The following VMP1 variants were observed in gnomAD, a reference collection of about 807,000 sequenced individuals.
VMP1 encodes the protein ectopic P-granules autophagy protein 3 homolog.
In VMP1, 11 loss-of-function variants were observed where a neutral mutation model predicts 56.0. The observed-to-expected ratio is 0.20, with a 90% CI of 0.12 to 0.32. The LOEUF (loss-of-function observed/expected upper bound fraction) is 0.32, where lower values mean the gene tolerates loss of function less well. Ranked by LOEUF, VMP1 falls within the 10% of genes least tolerant of loss-of-function variation. The pLI is 1.00. For synonymous variants in VMP1, 149 were observed against 165.0 expected (o/e 0.90, Z 0.74); for missense variants, 296 against 490.3 (o/e 0.60, Z 3.74).
chr17:59,795,244 G>T (rs1475461192), intron 7 of VMP1, among the ~76,000 whole-genome samples: 3 of 151,554 alleles, frequency 2.0e-5, no homozygotes, highest in Non-Finnish European at 4.4e-5. Flanking sequence ...CAAAGTGCTG[G>T]GATTACAGGC....
intron 8 of VMP1, among the ~76,000 whole-genome samples, chr17:59,810,455 A>G (rs1474998159): frequency 1.3e-5 from 2 of 152,226 alleles, no homozygotes; most frequent in Non-Finnish European, 2.9e-5. Context: ...CGCCCAGCCT[A>G]CATATCTTAA....
At position 59,808,766 on chromosome 17, in the gene VMP1, A is replaced by G. The variant is rs77926235; in HGVS notation, c.715-30A>G. 5.1e-3 allele frequency: 8,069 copies of G among 1,576,682 alleles called. 338 individuals are homozygous for G. The African/African-American group carries it at 0.095, about 19-fold the overall frequency. On this transcript the variant is annotated intron_variant, in intron 7 of 11. Transcript: ENST00000262291. ...ATCTTTCCTTCTTTTCCTACTTCTC[A>G]TTAATGTTTCTAAATTTGCCTTTTT...
At chr17:59,837,655 C>T (rs1191698740) in intron 10 of VMP1, 2 of 152,166 alleles carry the variant, frequency 1.3e-5, no homozygotes, top group African/African-American at 4.8e-5. Context: ...CTTCTTTGTT[C>T]CTTTGTTAAT....
intron 7 of VMP1, among the ~76,000 whole-genome samples, chr17:59,791,127 T>G (rs1428948518): frequency 6.6e-6 from 1 of 152,030 alleles, no homozygotes; most frequent in East Asian, 1.9e-4. Flanking sequence ...ATGGGCCTGT[T>G]TAGCAATGCA....
At chr17:59,815,806 A>G (rs1459760676) in intron 9 of VMP1, among the ~76,000 whole-genome samples, 4 of 148,652 alleles carry the variant, frequency 2.7e-5, no homozygotes, top group African/African-American at 9.9e-5. Context: ...CAGTGAGCCC[A>G]GATTGAGCCA....
chr17:59,730,774 T>C (rs2034793192), intron 1 of VMP1, among the ~76,000 whole-genome samples: 1 of 152,154 alleles, frequency 6.6e-6, no homozygotes, highest in South Asian at 2.1e-4. Flanking sequence ...AAAGCACTGA[T>C]ACCTGTAGTA....
intron 10 of VMP1, among the ~76,000 whole-genome samples, chr17:59,837,391 T>C (rs1404424636): frequency 1.3e-5 from 2 of 152,160 alleles, no homozygotes; most frequent in Non-Finnish European, 2.9e-5. Flanking sequence ...ATGTTTGATT[T>C]TTCTAAGTTG....
At position 59,823,986 on chromosome 17, in the gene VMP1, G is replaced by A. The variant is rs181287107; in HGVS notation, c.974+6213G>A. ...AAGAATGAAAAATGAATCCCGGGCCGGGCGCAGAGGCTCACGCCTGTAATC... is the reference window on the plus strand; with the variant it reads ...AAGAATGAAAAATGAATCCCGGGCCAGGCGCAGAGGCTCACGCCTGTAATC... On this transcript the variant is annotated intron_variant, in intron 10 of 11. Transcript: ENST00000262291. Among the ~76,000 whole-genome samples, 14 of 152,300 alleles carry A rather than the reference G, an allele frequency of 9.2e-5. No homozygotes were observed. In the East Asian group the frequency reaches 2.5e-3, roughly 27 times the overall value.
At chr17:59,794,219 C>CTTTTTT (rs574035691) in intron 7 of VMP1, among the ~76,000 whole-genome samples, 1 of 64,638 alleles carries the variant, frequency 1.5e-5, no homozygotes, top group Non-Finnish European at 2.7e-5. Flanking sequence ...CGCACCCGGC[C>CTTTTTT]TTTTTTTTTT....
intron 5 of VMP1, among the ~76,000 whole-genome samples, chr17:59,751,252 A>G (rs890736698): frequency 1.3e-5 from 2 of 152,186 alleles, no homozygotes; most frequent in African/African-American, 4.8e-5. Flanking sequence ...TTTTAGTCTT[A>G]GCAAGCATTC....
intron 5 of VMP1, among the ~76,000 whole-genome samples, chr17:59,762,818 A>G (rs997272078): frequency 2.0e-5 from 3 of 152,146 alleles, no homozygotes; most frequent in Non-Finnish European, 4.4e-5. Context: ...CCCTTTTCAG[A>G]ATAACTAAAA....
chr17:59,831,284 A>G (rs2038797336), intron 10 of VMP1, among the ~76,000 whole-genome samples: 1 of 152,040 alleles, frequency 6.6e-6, no homozygotes, highest in Non-Finnish European at 1.5e-5. Context: ...GGATCCTCCC[A>G]TCTCAGCCTC....
chr17:59,793,380 C>A lies in VMP1; in HGVS notation c.715-15416C>A, dbSNP rs1321436598. On this transcript the variant is annotated intron_variant, in intron 7 of 11. Transcript: ENST00000262291. ...CATATGAGGAGTTACTGGCTTCAGA[C>A]AGGAAAAAGAAAAAGGAAATTACTT... Among the ~76,000 whole-genome samples, 3 of 115,460 alleles carry A rather than the reference C, an allele frequency of 2.6e-5. 1 individual carries two copies. The highest frequency in any genetic ancestry group is 6.5e-5 in the Non-Finnish European group (3 of 46,484). 75.7% of individuals were successfully genotyped at this position (115,460 alleles called of 152,430 possible). A position where few individuals can be genotyped will look rare whatever the true frequency, so the allele number is the denominator to read the frequency against.
chr17:59,787,871 C>G, intron 7 of VMP1, among the ~76,000 whole-genome samples: 1 of 141,582 alleles, frequency 7.1e-6, no homozygotes, highest in East Asian at 1.9e-4. Flanking sequence ...AACTTTTAAA[C>G]TCGACCTCCT....
chr17:59,835,135 G>GTT (rs201740467), intron 10 of VMP1, among the ~76,000 whole-genome samples: 2 of 144,048 alleles, frequency 1.4e-5, no homozygotes, highest in East Asian at 2.0e-4. Flanking sequence ...TTTTTTGTTT[G>GTT]TTTTTTTTTT....
chr17:59,819,998 C>T (rs1165678212), intron 10 of VMP1, among the ~76,000 whole-genome samples: 1 of 152,186 alleles, frequency 6.6e-6, no homozygotes, highest in Non-Finnish European at 1.5e-5. Context: ...CCGATATATC[C>T]AGTTTCACTC....
intron 1 of VMP1, among the ~76,000 whole-genome samples, chr17:59,729,021 G>C (rs1024467712): frequency 2.0e-5 from 3 of 152,068 alleles, no homozygotes; most frequent in Admixed American, 6.6e-5. Context: ...ATATAAATGG[G>C]AATCATAACA....
intron 10 of VMP1, among the ~76,000 whole-genome samples, chr17:59,832,309 C>T (rs1336377097): frequency 4.7e-5 from 7 of 149,776 alleles, no homozygotes; most frequent in Non-Finnish European, 1.0e-4. Flanking sequence ...ACTACAGGCA[C>T]GTGCCATCAC....
intron 10 of VMP1, among the ~76,000 whole-genome samples, chr17:59,834,366 G>A (rs955739734): frequency 2.8e-4 from 42 of 150,454 alleles, no homozygotes; most frequent in Middle Eastern, 3.5e-3. Flanking sequence ...AGGTTCAAGC[G>A]GATCCTCCTG....
Sources: allele counts gnomAD v4.1 joint callset (sites outside exome capture counted in the v4.1 genomes callset), GRCh38; gene constraint gnomAD v4.1.1; transcripts MANE v1.5; gene names NCBI Gene and HGNC (gene_info 2026-07-23, HGNC 2026-07-21).